SLC44A1: variants seen among roughly 807,000 people sequenced by gnomAD.
The protein encoded by SLC44A1 is choline transporter-like protein 1.
SLC44A1 carries 26 observed loss-of-function variants against 79.3 expected under a neutral mutation model. The observed-to-expected ratio is 0.33, with a 90% CI of 0.24 to 0.46. The LOEUF (loss-of-function observed/expected upper bound fraction) is 0.46, where lower values mean the gene tolerates loss of function less well. Ranked by LOEUF, SLC44A1 falls within the 20% of genes least tolerant of loss-of-function variation. SLC44A1 has a pLI of 1.00. For synonymous variants in SLC44A1, 263 were observed against 286.2 expected (o/e 0.92, Z 0.82); for missense variants, 688 against 798.1 (o/e 0.86, Z 1.66).
chr9:105,418,241 GA>G (rs1475078355), intron 15 of SLC44A1, among the ~76,000 whole-genome samples: 2 of 147,664 alleles, frequency 1.4e-5, no homozygotes, highest in Non-Finnish European at 3.0e-5. Context: ...TTGAACCTGG[GA>G]AGCGGAGGTT....
At chr9:105,251,409 A>G (rs990395879) in intron 1 of SLC44A1, among the ~76,000 whole-genome samples, 2 of 152,160 alleles carry the variant, frequency 1.3e-5, no homozygotes, top group African/African-American at 4.8e-5. Context: ...TACCTTGGTT[A>G]CAGATCTCTC....
chr9:105,394,522 A>T lies in SLC44A1; in HGVS notation c.*5466A>T. The T allele has an allele frequency of 2.1e-6, 2 of 949,582 alleles. No homozygotes were observed. The highest frequency in any genetic ancestry group is 1.2e-4 in the East Asian group (1 of 8,200). The allele number at this position is 949,582 out of a possible 1,614,324, so 58.8% of individuals were successfully genotyped here. ...TTTGCAGTGAGCCAAAAAAAAAAAAATATCCAAGAAGAAATAAATAGGGAA... is the reference window on the plus strand; with the variant it reads ...TTTGCAGTGAGCCAAAAAAAAAAAATTATCCAAGAAGAAATAAATAGGGAA... On this transcript the variant is annotated 3_prime_UTR_variant, in exon 16 of 16. Transcript: ENST00000374720.
At chr9:105,403,517 A>G (rs1188454262) in intron 15 of SLC44A1, among the ~76,000 whole-genome samples, 1 of 151,662 alleles carries the variant, frequency 6.6e-6, no homozygotes, top group Non-Finnish European at 1.5e-5. Flanking sequence ...ATAAGTCTTC[A>G]TTTATTTCGG....
chr9:105,385,347 ATGTTCTT>A (rs1828598031), intron 14 of SLC44A1, 68 bp from the exon 15 acceptor site: 1 of 1,058,450 alleles, frequency 9.4e-7, no homozygotes, highest in East Asian at 2.6e-5. Context: ...AAAAATGTAG[ATGTTCTT>A]TAGAATTCAT....
intron 4 of SLC44A1, among the ~76,000 whole-genome samples, chr9:105,344,514 TGTC>T (rs1827189328): frequency 6.6e-6 from 1 of 152,174 alleles, no homozygotes; most frequent in Non-Finnish European, 1.5e-5. Flanking sequence ...CAGCACAAAA[TGTC>T]GTAATACCAA....
intron 12 of SLC44A1, 69 bp from the exon 13 acceptor site, chr9:105,374,529 T>C: frequency 2.7e-6 from 4 of 1,473,548 alleles, no homozygotes; most frequent in South Asian, 2.5e-5. Flanking sequence ...GTTTTAGCTA[T>C]GCTCAGTTTC....
chr9:105,436,911 C>T (rs983629854), intron 15 of SLC44A1, among the ~76,000 whole-genome samples: 2 of 152,176 alleles, frequency 1.3e-5, no homozygotes, highest in African/African-American at 2.4e-5. Context: ...CTTGTGGAGA[C>T]AGATGTATCA....
At chr9:105,402,089 C>T (rs1193461008), downstream of SLC44A1, among the ~76,000 whole-genome samples, 1 of 152,158 alleles carries the variant, frequency 6.6e-6, no homozygotes, top group African/African-American at 2.4e-5. Flanking sequence ...ATGTCCAGAG[C>T]AAAGAAGATG....
At chr9:105,341,330 C>T (rs575529617) in intron 4 of SLC44A1, among the ~76,000 whole-genome samples, 13 of 129,970 alleles carry the variant, frequency 1.0e-4, no homozygotes, top group East Asian at 2.1e-4. Context: ...AACGAAACTT[C>T]GTCTCAAAAA....
In SLC44A1 at chr9:105,393,926, A is replaced by G; in HGVS notation, c.*4870A>G. On this transcript the variant is annotated 3_prime_UTR_variant, in exon 16 of 16. Transcript: ENST00000374720. ...GTTGAACATGGAAACATTGTAATTT[A>G]CAAATGTCTCAGAAATTTCTCACTT... 1 of 984,294 alleles carries G rather than the reference A, an allele frequency of 1.0e-6. No individual in the cohort carries two copies. Among genetic ancestry groups the G allele is most frequent in the Non-Finnish European group, 1.2e-6 (1 of 828,864 alleles). The allele number at this position is 984,294 out of a possible 1,614,324, so 61.0% of individuals were successfully genotyped here.
At chr9:105,335,043 A>G (rs1374474963) in intron 3 of SLC44A1, among the ~76,000 whole-genome samples, 1 of 152,164 alleles carries the variant, frequency 6.6e-6, no homozygotes, top group African/African-American at 2.4e-5. Context: ...TCTGGTCCCC[A>G]TTTAACTTTG....
chr9:105,356,108 G>A, intron 5 of SLC44A1, 104 bp from the exon 6 acceptor site: 1 of 825,262 alleles, frequency 1.2e-6, no homozygotes, highest in Non-Finnish European at 2.0e-6. Context: ...TGTGGAGGGT[G>A]GAGTGTATTG....
chr9:105,352,183 G>A (rs1364651848), intron 5 of SLC44A1, among the ~76,000 whole-genome samples: 1 of 152,174 alleles, frequency 6.6e-6, no homozygotes, highest in Non-Finnish European at 1.5e-5. Flanking sequence ...GTTTAGACTC[G>A]TAATTCCTGC....
At chr9:105,340,024 T>G (rs763856692) in intron 4 of SLC44A1, among the ~76,000 whole-genome samples, 1 of 152,158 alleles carries the variant, frequency 6.6e-6, no homozygotes, top group Admixed American at 6.5e-5. Flanking sequence ...GAAGTGTGGT[T>G]GCCAGGAACT....
chr9:105,361,579 A>T (rs564001472), intron 8 of SLC44A1, among the ~76,000 whole-genome samples: 2 of 152,376 alleles, frequency 1.3e-5, no homozygotes, highest in African/African-American at 4.8e-5. Context: ...TAGAATATTT[A>T]CATTACCATT....
downstream of SLC44A1, among the ~76,000 whole-genome samples, chr9:105,398,446 C>A (rs996134659): frequency 3.3e-5 from 5 of 152,022 alleles, no homozygotes; most frequent in African/African-American, 1.2e-4. Context: ...ACTGTTCTTT[C>A]TTTTTTTGAG....
chr9:105,382,294 G>T (rs950206179), intron 13 of SLC44A1, among the ~76,000 whole-genome samples: 1 of 152,128 alleles, frequency 6.6e-6, no homozygotes, highest in Admixed American at 6.5e-5. Flanking sequence ...GGAATAAAAT[G>T]TATTTTAAAA....
chr9:105,286,332 A>G (rs1830477494), intron 1 of SLC44A1, among the ~76,000 whole-genome samples: 1 of 152,164 alleles, frequency 6.6e-6, no homozygotes, highest in Admixed American at 6.5e-5. Context: ...TGACCATTTG[A>G]GTTGGGCATA....
chr9:105,256,873 C>T lies in SLC44A1; in HGVS notation c.36+11969C>T, dbSNP rs57657369. Among the ~76,000 whole-genome samples the T allele has an allele frequency of 5.7e-3, 862 of 151,524 alleles. 11 individuals carry two copies. Among genetic ancestry groups the T allele is most frequent in the African/African-American group, 0.02 (816 of 41,266 alleles). Reference sequence around the variant, plus strand: ...CGTGATCTCAGCTCACTTTAACCTCCACCTCCCAGGTTCAAGCATTCTCCT... The same window carrying T: ...CGTGATCTCAGCTCACTTTAACCTCTACCTCCCAGGTTCAAGCATTCTCCT... On this transcript the variant is annotated intron_variant, in intron 1 of 15. Transcript: ENST00000374720.
Sources: allele counts gnomAD v4.1 joint callset (sites outside exome capture counted in the v4.1 genomes callset), GRCh38; gene constraint gnomAD v4.1.1; transcripts MANE v1.5; gene names NCBI Gene and HGNC (gene_info 2026-07-23, HGNC 2026-07-21).